JRK: variants seen among roughly 807,000 people sequenced by gnomAD.
The protein encoded by JRK is jerky protein homolog.
For missense variants in JRK, 720 were observed against 509.2 expected, an observed-to-expected ratio of 1.41 and a Z score of -3.98; for synonymous variants, 303 against 218.1, an observed-to-expected ratio of 1.39 and a Z score of -3.43.
chr8:142,659,180 C>A lies in JRK; in HGVS notation c.*5172G>T. On this transcript the variant is annotated 3_prime_UTR_variant, in exon 2 of 2. Transcript: ENST00000612905. ...CTCCCACTGAGCCTCATGGTCACCC[C>A]AGAGGACAGGCCTTCCTTTCACACA... The A allele has an allele frequency of 7.6e-7, 1 of 1,309,898 alleles. No homozygotes were observed. The highest frequency in any genetic ancestry group is 9.8e-7 in the Non-Finnish European group (1 of 1,025,492). 81.1% of individuals were successfully genotyped at this position (1,309,898 alleles called of 1,614,324 possible). A position where few individuals can be genotyped will look rare whatever the true frequency, so the allele number is the denominator to read the frequency against.
Position 142,665,754 on chromosome 8 carries a change from G to C in JRK, c.305C>G (p.Ser102Cys), listed in dbSNP as rs1252997626. 1 of 775,032 alleles carries C rather than the reference G, an allele frequency of 1.3e-6. No individual in the cohort carries two copies. Among genetic ancestry groups the C allele is most frequent in the Non-Finnish European group, 2.4e-6 (1 of 415,624 alleles). 48.0% of individuals were successfully genotyped at this position (775,032 alleles called of 1,614,324 possible). A position where few individuals can be genotyped will look rare whatever the true frequency, so the allele number is the denominator to read the frequency against. Residue 102 changes from serine (S) to cysteine (C), a missense_variant, in exon 2 of 2, where the codon TCC becomes TGC. Ser to Cys is a moderately radical substitution (Grantham distance 112). Transcript: ENST00000612905. Reference sequence around the variant, plus strand: ...GGGGCCTGACACGGGGACGCCCTCGGAGCGCTTCCCCAGGAACCACTCGTA... The same window carrying C: ...GGGGCCTGACACGGGGACGCCCTCGCAGCGCTTCCCCAGGAACCACTCGTA... The part of the protein sequence containing the change: ...VLYEWFLGKR[S>C]EGVPVSGPML...
At position 142,659,565 on chromosome 8, in the gene JRK, G is replaced by A; in HGVS notation, c.*4787C>T. On this transcript the variant is annotated 3_prime_UTR_variant, in exon 2 of 2. Transcript: ENST00000612905. ...CCCTGGGTGCAGGGCCTTGAGCAGG[G>A]AGGCCATCGTGCTGCCTAAGAGACC... The A allele has an allele frequency of 1.0e-6, 1 of 985,602 alleles. No individual in the cohort carries two copies. The highest frequency in any genetic ancestry group is 1.2e-6 in the Non-Finnish European group (1 of 830,040). The allele number at this position is 985,602 out of a possible 1,614,324, so 61.1% of individuals were successfully genotyped here. A position where few individuals can be genotyped will look rare whatever the true frequency, so the allele number is the denominator to read the frequency against.
chr8:142,668,249 A>C (rs375633340), intron 1 of JRK, among the ~76,000 whole-genome samples: 29 of 152,272 alleles, frequency 1.9e-4, no homozygotes, highest in African/African-American at 6.7e-4. Flanking sequence ...CTTTGAGGCC[A>C]GAGCTCAAGG....
rs1263580494 is a variant in JRK, at chr8:142,659,908, CA to C, written c.*4443del. The C allele has an allele frequency of 2.0e-6, 2 of 985,492 alleles. No individual in the cohort carries two copies. The highest frequency in any genetic ancestry group is 3.5e-5 in the African/African-American group (2 of 57,240). The allele number at this position is 985,492 out of a possible 1,614,324, so 61.0% of individuals were successfully genotyped here. The stretch of plus-strand genomic sequence containing the variant: ...GTGACCCCACCTCATTTCATGTCAT[CA>C]TCACTGCCCTGCAAGGGAAACAACA... On this transcript the variant is annotated 3_prime_UTR_variant, in exon 2 of 2. Coordinates refer to ENST00000612905, the MANE Select transcript of JRK (RefSeq NM_003724.4).
Position 142,664,236 on chromosome 8 carries a change from G to C in JRK, c.*116C>G. On this transcript the variant is annotated 3_prime_UTR_variant, in exon 2 of 2. Coordinates refer to ENST00000612905, the MANE Select transcript of JRK (RefSeq NM_003724.4). ...CCGTGGGCGACCCACTCCTGGAAGG[G>C]CTCTTGAGTGTCTGCACATGCCCTC... 4.2e-6 allele frequency: 6 copies of C among 1,430,910 alleles called. No individual in the cohort carries two copies. The highest frequency in any genetic ancestry group is 5.5e-6 in the Non-Finnish European group (6 of 1,089,448). 88.6% of individuals were successfully genotyped at this position (1,430,910 alleles called of 1,614,324 possible). A position where few individuals can be genotyped will look rare whatever the true frequency, so the allele number is the denominator to read the frequency against.
intron 1 of JRK, among the ~76,000 whole-genome samples, chr8:142,669,487 G>A (rs1338818656): frequency 2.6e-5 from 4 of 152,130 alleles, no homozygotes; most frequent in Admixed American, 1.3e-4. Flanking sequence ...CCCGTTTGTG[G>A]GTAGAAATTC....
At position 142,665,178 on chromosome 8, in the gene JRK, G is replaced by C; in HGVS notation, c.881C>G (p.Ala294Gly). The C allele has an allele frequency of 1.4e-6, 1 of 717,942 alleles. No homozygotes were observed. The allele number at this position is 717,942 out of a possible 1,614,324, so 44.5% of individuals were successfully genotyped here. A position where few individuals can be genotyped will look rare whatever the true frequency, so the allele number is the denominator to read the frequency against. Residue 294 changes from alanine to glycine, a missense_variant, in exon 2 of 2, where the codon GCC becomes GGC. Coordinates refer to ENST00000612905, the MANE Select transcript of JRK (RefSeq NM_003724.4). ...RTIGLPEDSK[A>G]VLLLDSSRAH... ...CCGGGAGCTGTCCAGCAAGAGAACG[G>C]CTTTGCTGTCTTCCGGCAAACCTAT... is the stretch of plus-strand genomic sequence containing the variant.
In JRK at chr8:142,658,984, A is replaced by C. The variant is rs782811382; in HGVS notation, c.*5368T>G. The C allele has an allele frequency of 1.9e-6, 3 of 1,599,246 alleles. No homozygotes were observed. The highest frequency in any genetic ancestry group is 2.3e-5 in the East Asian group (1 of 44,438). On this transcript the variant is annotated 3_prime_UTR_variant, in exon 2 of 2. Transcript: ENST00000612905. ...CTTTGCTGCTTCATGGAGGAGCGTC[A>C]GTATGTCCACACCATAGGGGTGTAG...
At chr8:142,648,737 G>C in the JRK span, among the ~76,000 whole-genome samples, 2 of 152,234 alleles carry the variant, frequency 1.3e-5, no homozygotes, top group Admixed American at 1.3e-4. Context: ...CCCTACTGGG[G>C]CATCACCACT....
In JRK at chr8:142,660,042, C is replaced by G; in HGVS notation, c.*4310G>C. 1.0e-6 allele frequency: 1 copy of G among 986,008 alleles called. No homozygotes were observed. The highest frequency in any genetic ancestry group is 1.7e-5 in the African/African-American group (1 of 57,378). 61.1% of individuals were successfully genotyped at this position (986,008 alleles called of 1,614,324 possible). The stretch of plus-strand genomic sequence containing the variant: ...TGGGAGCTGGGGCTCATGTGGGAGG[C>G]TGGTGGCTGCCATGGCTGCAGCTCC... On this transcript the variant is annotated 3_prime_UTR_variant, in exon 2 of 2. Transcript: ENST00000612905.
Position 142,659,799 on chromosome 8 carries a change from G to A in JRK, c.*4553C>T. ...TGGAGAACGTGAGGCTGGTCATTAG[G>A]AGCAGGTAGCCCTGGGTCTCCCTCT... On this transcript the variant is annotated 3_prime_UTR_variant, in exon 2 of 2. Coordinates refer to ENST00000612905, the MANE Select transcript of JRK (RefSeq NM_003724.4). The A allele has an allele frequency of 1.0e-6, 1 of 985,594 alleles. No homozygotes were observed. The highest frequency in any genetic ancestry group is 1.2e-6 in the Non-Finnish European group (1 of 830,038). The allele number at this position is 985,594 out of a possible 1,614,324, so 61.1% of individuals were successfully genotyped here.
rs1846987080 is a variant in JRK at position 142,663,619 on chromosome 8, T to G, written c.*733A>C. The G allele has an allele frequency of 1.0e-6, 1 of 985,318 alleles. No individual in the cohort carries two copies. The highest frequency in any genetic ancestry group is 1.2e-6 in the Non-Finnish European group (1 of 829,936). The allele number at this position is 985,318 out of a possible 1,614,324, so 61.0% of individuals were successfully genotyped here. A position where few individuals can be genotyped will look rare whatever the true frequency, so the allele number is the denominator to read the frequency against. On this transcript the variant is annotated 3_prime_UTR_variant, in exon 2 of 2. Transcript: ENST00000612905. ...TATCCGGGTGATGAGCAGGGCCTGGTCAGCCACTCCTACTTTCTTCCCAGA... is the reference window on the plus strand; with the variant it reads ...TATCCGGGTGATGAGCAGGGCCTGGGCAGCCACTCCTACTTTCTTCCCAGA...
Position 142,664,590 on chromosome 8 carries a change from G to A in JRK, c.1469C>T (p.Ala490Val), listed in dbSNP as rs781800280. The stretch of plus-strand genomic sequence containing the variant: ...CAGGACTGCGTCAAAGGCCACGGCC[G>A]CCTGCTCCCAGGCCACCTCCTCGCC... ...GEGEEVAWEQ[A>V]AVAFDAVLRF... The change falls in exon 2 of 2, where the codon GCG becomes GTG. Residue 490 changes from alanine (A) to valine (V), a missense_variant. Physicochemically the swap from Ala to Val is moderately conservative, Grantham distance 64 (BLOSUM62 0). Transcript: ENST00000612905. The A allele has an allele frequency of 2.9e-5, 47 of 1,608,526 alleles. No individual in the cohort carries two copies. The Middle Eastern group carries it at 6.6e-4, about 23-fold the overall frequency.
In JRK at chr8:142,664,997, G is replaced by A. The variant is rs754957; in HGVS notation, c.1062C>T (p.His354=). 420,848 of 720,002 alleles carry A rather than the reference G, an allele frequency of 0.58. 126,847 individuals are homozygous for A. The highest frequency in any genetic ancestry group is 0.69 in the Admixed American group (34,632 of 50,216). 44.6% of individuals were successfully genotyped at this position (720,002 alleles called of 1,614,324 possible). A position where few individuals can be genotyped will look rare whatever the true frequency, so the allele number is the denominator to read the frequency against. Residue 354 remains histidine (H), a synonymous_variant, in exon 2 of 2, where the codon CAC becomes CAT. Coordinates refer to ENST00000612905, the MANE Select transcript of JRK (RefSeq NM_003724.4). ...INPPVPLQGP[H]ARYNMNDAIF... ...TGGCATCGTTCATGTTGTAGCGGGC[G>A]TGGGGGCCCTGCAGGGGGACCGGAG...
chr8:142,657,272 T>C (rs1188432664), downstream of JRK, among the ~76,000 whole-genome samples: 1 of 152,154 alleles, frequency 6.6e-6, no homozygotes, highest in African/African-American at 2.4e-5. Context: ...GACTGGGACC[T>C]GGCTCGAGGG....
downstream of JRK, among the ~76,000 whole-genome samples, chr8:142,654,786 G>C (rs1846718876): frequency 1.3e-5 from 2 of 151,928 alleles, no homozygotes. Flanking sequence ...CAGCCTCCTG[G>C]GTGCTGATTT....
At chr8:142,649,190 G>C in the JRK span, among the ~76,000 whole-genome samples, 11 of 152,174 alleles carry the variant, frequency 7.2e-5, no homozygotes, top group Non-Finnish European at 1.5e-4. Context: ...GTTGACTTTT[G>C]AGTTAATGTT....
In JRK at chr8:142,665,748, C is replaced by A; in HGVS notation, c.311G>T (p.Gly104Val). 1 of 774,110 alleles carries A rather than the reference C, an allele frequency of 1.3e-6. No homozygotes were observed. The highest frequency in any genetic ancestry group is 2.4e-6 in the Non-Finnish European group (1 of 415,178). The allele number at this position is 774,110 out of a possible 1,614,324, so 48.0% of individuals were successfully genotyped here. A position where few individuals can be genotyped will look rare whatever the true frequency, so the allele number is the denominator to read the frequency against. ...GAGCATGGGGCCTGACACGGGGACGCCCTCGGAGCGCTTCCCCAGGAACCA... is the reference window on the plus strand; with the variant it reads ...GAGCATGGGGCCTGACACGGGGACGACCTCGGAGCGCTTCCCCAGGAACCA... ...YEWFLGKRSE[G>V]VPVSGPMLIE... is the part of the protein sequence containing the mutation. The change falls in exon 2 of 2, where the codon GGC becomes GTC. Residue 104 changes from glycine (G) to valine (V), a missense_variant. By Grantham distance (109) the Gly-to-Val change is moderately radical (BLOSUM62 -3). Transcript: ENST00000612905.
chr8:142,646,505 G>T, the JRK span, among the ~76,000 whole-genome samples: 2 of 152,132 alleles, frequency 1.3e-5, no homozygotes, highest in African/African-American at 4.8e-5. Context: ...TTTGGGCTTG[G>T]TTTATAGTTT....
Sources: gnomAD v4.1 joint callset for allele counts (sites outside exome capture counted in the v4.1 genomes callset) on GRCh38, gnomAD v4.1.1 for gene constraint, MANE v1.5 for transcripts, NCBI Gene and HGNC (gene_info 2026-07-23, HGNC 2026-07-21) for gene names.